PUDP: variants seen among roughly 807,000 people sequenced by gnomAD.
The protein encoded by PUDP is pseudouridine 5'-phosphatase, also known as pseudouridine-5'-phosphatase.
In PUDP, 8 loss-of-function variants were observed where a neutral mutation model predicts 9.4. That is an observed-to-expected ratio of 0.85 (90% CI 0.50 to 1.53). PUDP has a LOEUF of 1.53. Ranked by LOEUF, PUDP falls within the 40% of genes most tolerant of loss-of-function variation. The pLI is 0.00. For synonymous variants in PUDP, 99 were observed against 80.7 expected (o/e 1.23, Z -1.22); for missense variants, 188 against 189.7 (o/e 0.99, Z 0.05).
intron 3 of PUDP, among the ~76,000 whole-genome samples, chrX:6,876,306 T>C (rs1927251063): frequency 9.0e-6 from 1 of 111,572 alleles, no homozygotes; most frequent in East Asian, 2.8e-4. Context: ...TAAGCTATGA[T>C]GTTCAGCAGG....
chrX:6,843,261 A>T (rs1480283661), intron 3 of PUDP, among the ~76,000 whole-genome samples: 1 of 111,910 alleles, frequency 8.9e-6, no homozygotes, highest in Non-Finnish European at 1.9e-5. Flanking sequence ...AGCCCTTGGG[A>T]ATGTAAGACA....
rs184585887 is a variant in PUDP, at chrX:6,987,766, A to G, written c.205-9423T>C. Among the ~76,000 whole-genome samples, 28 of 112,467 alleles carry G rather than the reference A, an allele frequency of 2.5e-4. No individual in the cohort carries two copies. The East Asian group carries it at 5.3e-3, about 21-fold the overall frequency. ...GATACCATATGGCCCAAAAAGTGGA[A>G]TATATTTACTACCTGGCTTTTACAG... On this transcript the variant is annotated intron_variant and NMD_transcript_variant, in intron 1 of 3. Transcript: ENST00000655425.
At chrX:6,840,934 A>T (rs775209434) in intron 3 of PUDP, among the ~76,000 whole-genome samples, 116 of 111,217 alleles carry the variant, frequency 1.0e-3, no homozygotes, top group Non-Finnish European at 1.9e-3. Context: ...ATAGTCTTTT[A>T]AAAAAAAGGT....
chrX:7,084,845 T>G (rs1569155815), intron 2 of PUDP: 2 of 112,038 alleles, frequency 1.8e-5, no homozygotes, highest in East Asian at 5.6e-4. Flanking sequence ...ACACGTTGTG[T>G]GTGATAACTA....
chrX:6,974,157 A>T (rs971069395), intron 3 of PUDP, among the ~76,000 whole-genome samples: 1 of 111,831 alleles, frequency 8.9e-6, no homozygotes, highest in Non-Finnish European at 1.9e-5. Flanking sequence ...CTCTTTATCC[A>T]ATTTGCCAGT....
intron 3 of PUDP, among the ~76,000 whole-genome samples, chrX:6,948,659 C>G (rs761932983): frequency 8.9e-6 from 1 of 111,989 alleles, no homozygotes; most frequent in Non-Finnish European, 1.9e-5. Flanking sequence ...CTAAAGAAAA[C>G]AAGAATATTT....
chrX:7,002,124 A>G (rs997576100), intron 1 of PUDP, among the ~76,000 whole-genome samples: 2 of 111,564 alleles, frequency 1.8e-5, no homozygotes, highest in African/African-American at 6.5e-5. Flanking sequence ...AAGATAAACC[A>G]CCCAACAGAA....
At chrX:6,960,449 C>A (rs1325851599) in intron 3 of PUDP, among the ~76,000 whole-genome samples, 2 of 111,970 alleles carry the variant, frequency 1.8e-5, no homozygotes, top group Non-Finnish European at 3.8e-5. Flanking sequence ...CTCTCTCTCA[C>A]CCTCTTTGCC....
At chrX:6,913,714 C>T (rs1927881830) in intron 3 of PUDP, among the ~76,000 whole-genome samples, 1 of 111,549 alleles carries the variant, frequency 9.0e-6, no homozygotes, top group Admixed American at 9.6e-5. Context: ...TCCCAATGTG[C>T]AGCACGTCAC....
chrX:6,744,648 G>T (rs186775907), intron 3 of PUDP, among the ~76,000 whole-genome samples: 4 of 110,276 alleles, frequency 3.6e-5, no homozygotes, highest in African/African-American at 1.3e-4. Context: ...GGGCAGGGAG[G>T]AGATAAGAAT....
At chrX:7,088,541 G>A (rs1420159856) in intron 2 of PUDP, among the ~76,000 whole-genome samples, 3 of 112,019 alleles carry the variant, frequency 2.7e-5, no homozygotes, top group Non-Finnish European at 3.8e-5. Flanking sequence ...ACAACTTAAC[G>A]TGAAAATTTC....
chrX:7,010,426 G>T (rs1468576330), intron 1 of PUDP, among the ~76,000 whole-genome samples: 3 of 111,882 alleles, frequency 2.7e-5, no homozygotes, highest in Admixed American at 9.5e-5. Flanking sequence ...TGTACCAAGA[G>T]TTCTGAATCC....
chrX:7,112,008 A>C (rs1358691744), intron 1 of PUDP, among the ~76,000 whole-genome samples: 1 of 109,626 alleles, frequency 9.1e-6, no homozygotes, highest in Non-Finnish European at 1.9e-5. Context: ...AAAAAAAAGC[A>C]AACAAAACTA....
intron 3 of PUDP, among the ~76,000 whole-genome samples, chrX:6,770,860 A>G (rs944717139): frequency 6.3e-5 from 7 of 111,894 alleles, no homozygotes; most frequent in African/African-American, 2.0e-4. Flanking sequence ...TTACGTTTCA[A>G]ATGATGAGGA....
At chrX:7,073,837 A>G (rs1930816414) in intron 3 of PUDP, among the ~76,000 whole-genome samples, 1 of 113,234 alleles carries the variant, frequency 8.8e-6, no homozygotes. Flanking sequence ...AAATGTTTAG[A>G]ACTTTCTAAA....
At chrX:6,713,035 A>C (rs1924551939) in intron 1 of PUDP, among the ~76,000 whole-genome samples, 1 of 111,827 alleles carries the variant, frequency 8.9e-6, no homozygotes, top group African/African-American at 3.3e-5. Flanking sequence ...TGACAAAGCC[A>C]GACTGTCTCA....
intron 3 of PUDP, among the ~76,000 whole-genome samples, chrX:6,750,831 A>C (rs774679240): frequency 3.6e-5 from 4 of 112,037 alleles, no homozygotes; most frequent in Admixed American, 9.5e-5. Context: ...AATATCCAGG[A>C]AATTTCTAGT....
chrX:6,880,205 C>T (rs1927326523), intron 3 of PUDP, among the ~76,000 whole-genome samples: 1 of 109,941 alleles, frequency 9.1e-6, no homozygotes, highest in Middle Eastern at 4.7e-3. Context: ...ACCCATCACC[C>T]GAGCAGTGTA....
intron 3 of PUDP, among the ~76,000 whole-genome samples, chrX:6,785,155 G>T (rs1282147251): frequency 8.9e-6 from 1 of 112,451 alleles, no homozygotes; most frequent in African/African-American, 3.2e-5. Context: ...ACACATCAAT[G>T]AGTAATTCAT....
Sources: allele counts gnomAD v4.1 joint callset (sites outside exome capture counted in the v4.1 genomes callset), GRCh38; gene constraint gnomAD v4.1.1; transcripts MANE v1.5; gene names NCBI Gene and HGNC (gene_info 2026-07-23, HGNC 2026-07-21).